The following PEX5 variants were observed in gnomAD, a reference collection of about 807,000 sequenced individuals.
PEX5 encodes peroxisomal biogenesis factor 5.
Under a neutral mutation model 82.9 loss-of-function variants are expected in PEX5, and 52 were observed. That is an observed-to-expected ratio of 0.63 (90% CI 0.50 to 0.79). PEX5 has a LOEUF of 0.79. PEX5 is among the 30% of genes least tolerant of loss of function. The pLI is 0.00. For synonymous variants in PEX5, 300 were observed against 318.8 expected (o/e 0.94, Z 0.63); for missense variants, 719 against 815.2 (o/e 0.88, Z 1.44).
rs1389842788 is a variant in PEX5, at chr12:7,211,361, C to T, written c.*1138C>T. The T allele has an allele frequency of 6.6e-6, 1 of 151,758 alleles. No individual in the cohort carries two copies. Among genetic ancestry groups the T allele is most frequent in the Non-Finnish European group, 1.5e-5 (1 of 67,942 alleles). 9.4% of individuals were successfully genotyped at this position (151,758 alleles called of 1,614,324 possible). Reference sequence around the variant, plus strand: ...TGATCAGAGAGATTTTTTTTTTAAACTACCATGGTCCCAGGATTCCATCCT... The same window carrying T: ...TGATCAGAGAGATTTTTTTTTTAAATTACCATGGTCCCAGGATTCCATCCT... On this transcript the variant is annotated 3_prime_UTR_variant, in exon 16 of 16. Coordinates refer to ENST00000675855, the MANE Select transcript of PEX5 (RefSeq NM_001351132.2).
At chr12:7,201,268 T>TA (rs1491279790) in intron 6 of PEX5, among the ~76,000 whole-genome samples, 1 of 105,414 alleles carries the variant, frequency 9.5e-6, no homozygotes, top group Non-Finnish European at 2.3e-5. Flanking sequence ...CGTACACATG[T>TA]ATACACACAC....
chr12:7,208,854 C>T (rs1287303248), intron 13 of PEX5, 151 bp from the exon 14 acceptor site: 2 of 888,828 alleles, frequency 2.3e-6, no homozygotes, highest in African/African-American at 1.6e-5. Context: ...AATAGAAAAA[C>T]AGGCTTCTAT....
At chr12:7,209,207 G>C (rs368733764) in intron 14 of PEX5, 37 bp downstream of exon 14, 103 of 1,601,504 alleles carry the variant, frequency 6.4e-5, no homozygotes, top group Non-Finnish European at 8.0e-5. Context: ...GGACATGACT[G>C]TGTACCTTAT....
At chr12:7,197,463 TTATA>T (rs1275350970) in intron 5 of PEX5, among the ~76,000 whole-genome samples, 1 of 141,278 alleles carries the variant, frequency 7.1e-6, no homozygotes, top group East Asian at 2.1e-4. Context: ...AATGTAATAA[TTATA>T]TATGTTATAT....
In PEX5 at chr12:7,203,508, G is replaced by A; in HGVS notation, c.923G>A (p.Trp308Ter). ...AAACGGGATGCTGAGGCCCACCCCT[G>A]GCTTTCTGACTATGATGACCTTACG... ...MAKRDAEAHP[W>*]LSDYDDLTSA... Residue 308 changes from tryptophan to a stop codon, truncating the protein, a stop_gained, in exon 10 of 16, where the codon TGG (tryptophan) becomes TAG (stop). Coordinates refer to ENST00000675855, the MANE Select transcript of PEX5 (RefSeq NM_001351132.2). LOFTEE classifies it high-confidence loss of function. 6.2e-7 allele frequency: 1 copy of A among 1,613,942 alleles called. No individual in the cohort carries two copies. Among genetic ancestry groups the A allele is most frequent in the Non-Finnish European group, 8.5e-7 (1 of 1,179,942 alleles).
intron 10 of PEX5, among the ~76,000 whole-genome samples, chr12:7,205,622 T>G (rs184397477): frequency 6.6e-6 from 1 of 152,344 alleles, no homozygotes; most frequent in East Asian, 1.9e-4. Context: ...CTTTTCAGGA[T>G]GTAACAGTGA....
intron 5 of PEX5, among the ~76,000 whole-genome samples, chr12:7,192,034 G>A (rs1941240271): frequency 1.3e-5 from 2 of 152,178 alleles, no homozygotes; most frequent in African/African-American, 4.8e-5. Context: ...ACAGCACCTG[G>A]GATTCTGGCC....
intron 9 of PEX5, 52 bp downstream of exon 9, chr12:7,202,756 A>AGT: frequency 8.4e-7 from 1 of 1,197,440 alleles, no homozygotes; most frequent in Non-Finnish European, 1.3e-6. Flanking sequence ...CACTCCTTGG[A>AGT]GTGAGTGGGT....
chr12:7,201,582 A>G (rs761572741), intron 6 of PEX5, among the ~76,000 whole-genome samples, 169 bp from the exon 7 acceptor site: 12 of 152,282 alleles, frequency 7.9e-5, no homozygotes, highest in Admixed American at 2.0e-4. Context: ...TAGTACTTTC[A>G]CACTCCTGCC....
At chr12:7,199,135 C>T (rs761650179) in intron 6 of PEX5, 22 bp downstream of exon 6, 23 of 1,378,204 alleles carry the variant, frequency 1.7e-5, no homozygotes, top group African/African-American at 2.8e-5. Context: ...TACCTCTTTC[C>T]GAATCCCGTG....
intron 3 of PEX5, 61 bp from the exon 4 acceptor site, chr12:7,191,165 C>T: frequency 6.2e-7 from 1 of 1,601,540 alleles, no homozygotes; most frequent in South Asian, 1.1e-5. Flanking sequence ...TCCAGTGGGT[C>T]CTGCCTCTTG....
At position 7,191,607 on chromosome 12, in the gene PEX5, G is replaced by A. The variant is rs1941138918; in HGVS notation, c.355G>A (p.Ala119Thr). Residue 119 changes from alanine (A) to threonine (T), a missense_variant, in exon 5 of 16, where the codon GCC becomes ACC. Ala to Thr is a moderately conservative substitution (Grantham distance 58, BLOSUM62 0). Coordinates refer to ENST00000675855, the MANE Select transcript of PEX5 (RefSeq NM_001351132.2). ...AGACTTGGCCTTGTCTGAGAACTGG[G>A]CCCAGGAGTTTCTTGCAGCTGGAGA... ...VADLALSENWAQEFLAAGDAV... is the reference protein window; with the variant it reads ...VADLALSENWTQEFLAAGDAV... 1 of 1,614,016 alleles carries A rather than the reference G, an allele frequency of 6.2e-7. No individual in the cohort carries two copies. The highest frequency in any genetic ancestry group is 1.3e-5 in the African/African-American group (1 of 75,016).
downstream of PEX5, among the ~76,000 whole-genome samples, chr12:7,211,828 C>T (rs1314954984): frequency 6.6e-6 from 1 of 152,028 alleles, no homozygotes; most frequent in African/African-American, 2.4e-5. Context: ...CTCTGCCTGC[C>T]TTTATCGGGA....
intron 10 of PEX5, among the ~76,000 whole-genome samples, chr12:7,204,860 T>A (rs760239962): frequency 1.3e-5 from 2 of 152,108 alleles, no homozygotes; most frequent in Admixed American, 6.5e-5. Context: ...TGTGACAAAT[T>A]AGAAAGCAAA....
chr12:7,209,572 A>G (rs1395859758), intron 14 of PEX5, 111 bp from the exon 15 acceptor site: 7 of 106,114 alleles, frequency 6.6e-5, no homozygotes, highest in Non-Finnish European at 7.7e-5. Flanking sequence ...TAGCTAACAG[A>G]GTAGTGAAAC....
In PEX5 at chr12:7,210,173, G is replaced by T; in HGVS notation, c.1870G>T (p.Asp624Tyr). 6.2e-7 allele frequency: 1 copy of T among 1,614,222 alleles called. No homozygotes were observed. Among genetic ancestry groups the T allele is most frequent in the Non-Finnish European group, 8.5e-7 (1 of 1,180,032 alleles). ...CCAGAGCGATGCCTATGGGGCAGCCGACGCGCGGGATCTGTCCACCCTCCT... is the reference window on the plus strand; with the variant it reads ...CCAGAGCGATGCCTATGGGGCAGCCTACGCGCGGGATCTGTCCACCCTCCT... Reference protein sequence around the residue: ...LGQSDAYGAADARDLSTLLTM... With the variant: ...LGQSDAYGAAYARDLSTLLTM... The change falls in exon 16 of 16, where the codon GAC becomes TAC. Residue 624 changes from aspartate to tyrosine, a missense_variant. Asp to Tyr is a radical substitution (Grantham distance 160, BLOSUM62 -3). Coordinates refer to ENST00000675855, the MANE Select transcript of PEX5 (RefSeq NM_001351132.2).
Position 7,210,393 on chromosome 12 carries a change from CATAATTG to C in PEX5, c.*171_*177del, listed in dbSNP as rs1193640111. 1.5e-6 allele frequency: 1 copy of C among 674,244 alleles called. No individual in the cohort carries two copies. Among genetic ancestry groups the C allele is most frequent in the Non-Finnish European group, 2.7e-6 (1 of 372,868 alleles). 41.8% of individuals were successfully genotyped at this position (674,244 alleles called of 1,614,324 possible). A position where few individuals can be genotyped will look rare whatever the true frequency, so the allele number is the denominator to read the frequency against. ...TGGGTAGTCTGTGTTCTAGTTCCTACATAATTGTAGGAAAATGAGCTGTGTCATCTCT... is the reference window on the plus strand; with the variant it reads ...TGGGTAGTCTGTGTTCTAGTTCCTACTAGGAAAATGAGCTGTGTCATCTCT... On this transcript the variant is annotated 3_prime_UTR_variant, in exon 16 of 16. Transcript: ENST00000675855.
intron 5 of PEX5, among the ~76,000 whole-genome samples, chr12:7,197,242 T>TGTAATTA (rs1565687358): frequency 6.6e-4 from 7 of 10,676 alleles, no homozygotes; most frequent in Admixed American, 1.5e-3. Context: ...TATGTAATAA[T>TGTAATTA]TATATGTCAT....
intron 1 of PEX5, chr12:7,190,017 G>T: frequency 6.6e-7 from 1 of 1,504,332 alleles, no homozygotes; most frequent in Non-Finnish European, 8.8e-7. Flanking sequence ...CCCTTCTTCG[G>T]GCAGTGTCGC....
Sources: gnomAD v4.1 joint callset for allele counts (sites outside exome capture counted in the v4.1 genomes callset) on GRCh38, gnomAD v4.1.1 for gene constraint, MANE v1.5 for transcripts, NCBI Gene and HGNC (gene_info 2026-07-23, HGNC 2026-07-21) for gene names.